UAP1: variants seen among roughly 807,000 people sequenced by gnomAD.
UAP1 encodes the protein UDP-N-acetylglucosamine pyrophosphorylase 1.
In UAP1, 25 loss-of-function variants were observed where a neutral mutation model predicts 58.5. That is an observed-to-expected ratio of 0.43 (90% CI 0.31 to 0.60). The LOEUF (loss-of-function observed/expected upper bound fraction) is 0.60. Among genes scored for constraint, UAP1 ranks in the 20% least tolerant of loss-of-function variants. The probability of loss-of-function intolerance (pLI) is 0.11; values close to 1 mark genes in which losing one functional copy is unlikely to be tolerated. For missense variants in UAP1, 575 were observed against 630.0 expected (o/e 0.91, Z 0.93); for synonymous variants, 208 against 213.0 (o/e 0.98, Z 0.21).
At position 162,588,848 on chromosome 1, in the gene UAP1, G is replaced by A. The variant is rs533517394; in HGVS notation, c.1169+15G>A. 3.7e-6 allele frequency: 6 copies of A among 1,601,190 alleles called. No homozygotes were observed. In the South Asian group the frequency reaches 5.6e-5, roughly 15 times the overall value. The stretch of plus-strand genomic sequence containing the variant: ...CAGTTTGCAAAGTATGCTTTGAATA[G>A]TACCAATAAGGTTAAATAAATGTCT... On this transcript the variant is annotated intron_variant, in intron 7 of 10. Transcript: ENST00000271469.
intron 8 of UAP1, among the ~76,000 whole-genome samples, chr1:162,591,025 A>G (rs1308389327): frequency 1.3e-5 from 2 of 151,692 alleles, no homozygotes; most frequent in Admixed American, 1.3e-4. Context: ...CCGTGTTCAA[A>G]TCGATTCTCC....
In UAP1 at chr1:162,581,388, A is replaced by G. The variant is rs753571677; in HGVS notation, c.763A>G (p.Ile255Val). Residue 255 changes from isoleucine to valine, a missense_variant, in exon 5 of 11, where the codon ATA (isoleucine) becomes GTA (valine). Physicochemically the swap from Ile to Val is conservative, Grantham distance 29 (BLOSUM62 3). Coordinates refer to ENST00000271469, the Ensembl canonical transcript of UAP1. The stretch of plus-strand genomic sequence containing the variant: ...CATTCATGTCTATTGTGTTGACAAC[A>G]TATTAGTAAAAGTGGCAGACCCACG... The G allele has an allele frequency of 1.9e-6, 3 of 1,614,160 alleles. No individual in the cohort carries two copies. Among genetic ancestry groups the G allele is most frequent in the Non-Finnish European group, 2.5e-6 (3 of 1,179,998 alleles).
intron 5 of UAP1, among the ~76,000 whole-genome samples, chr1:162,582,406 C>A (rs769077346): frequency 6.6e-6 from 1 of 151,966 alleles, no homozygotes; most frequent in African/African-American, 2.4e-5. Flanking sequence ...GTACTGGAAC[C>A]AGAATAGAAT....
chr1:162,574,059 A>C (rs1244383586), intron 2 of UAP1, among the ~76,000 whole-genome samples: 1 of 151,424 alleles, frequency 6.6e-6, no homozygotes, highest in Non-Finnish European at 1.5e-5. Flanking sequence ...ACTGGCTCTA[A>C]ATTTATAATG....
At chr1:162,590,156 A>G (rs1655210099) in intron 7 of UAP1, among the ~76,000 whole-genome samples, 167 bp from the exon 8 acceptor site, 1 of 152,094 alleles carries the variant, frequency 6.6e-6, no homozygotes, top group East Asian at 1.9e-4. Context: ...TGCATTGAAA[A>G]AGAAAATTTC....
intron 5 of UAP1, among the ~76,000 whole-genome samples, chr1:162,582,038 G>A (rs1037842379): frequency 1.3e-5 from 2 of 152,140 alleles, no homozygotes; most frequent in Non-Finnish European, 1.5e-5. Context: ...CACGTTTTTA[G>A]TTGTATAGGT....
chr1:162,590,419 G>C, exon 8 of UAP1: 3 of 1,613,494 alleles, frequency 1.9e-6, no homozygotes, highest in Non-Finnish European at 2.5e-6. Flanking sequence ...CTACTGCAAG[G>C]CATGCTTTGA....
Position 162,592,719 on chromosome 1 carries a change from T to C in UAP1, c.1359-13T>C. 1 of 1,543,686 alleles carries C rather than the reference T, an allele frequency of 6.5e-7. No individual in the cohort carries two copies. Among genetic ancestry groups the C allele is most frequent in the Non-Finnish European group, 8.8e-7 (1 of 1,140,578 alleles). On this transcript the variant is annotated splice_polypyrimidine_tract_variant and intron_variant, in intron 8 of 10. Coordinates refer to ENST00000271469, the Ensembl canonical transcript of UAP1. ...GCTTCCATTCCCATTAATCCTTATTTATTCCCACATAGCAGTGCTACAAAT... is the reference window on the plus strand; with the variant it reads ...GCTTCCATTCCCATTAATCCTTATTCATTCCCACATAGCAGTGCTACAAAT...
At chr1:162,584,383 A>G (rs1448742929) in intron 5 of UAP1, among the ~76,000 whole-genome samples, 1 of 152,276 alleles carries the variant, frequency 6.6e-6, no homozygotes, top group Non-Finnish European at 1.5e-5. Flanking sequence ...CCCTTTTAAA[A>G]TAAGAAAATC....
chr1:162,589,180 A>C (rs1490313105), intron 7 of UAP1, among the ~76,000 whole-genome samples: 1 of 91,288 alleles, frequency 1.1e-5, no homozygotes, highest in Non-Finnish European at 2.1e-5. Context: ...TAAATATTAT[A>C]TATAATATAT....
At chr1:162,573,684 G>T (rs148043631) in intron 2 of UAP1, among the ~76,000 whole-genome samples, 3 of 152,144 alleles carry the variant, frequency 2.0e-5, no homozygotes, top group East Asian at 3.9e-4. Flanking sequence ...GCAGGAATAG[G>T]CTGGGCAGGG....
intron 1 of UAP1, among the ~76,000 whole-genome samples, chr1:162,564,913 G>A (rs1653394356): frequency 6.6e-6 from 1 of 152,000 alleles, no homozygotes; most frequent in Non-Finnish European, 1.5e-5. Context: ...ATTTCCTGTT[G>A]CTGAGGCTGG....
At chr1:162,577,440 T>C (rs1312468043) in intron 3 of UAP1, among the ~76,000 whole-genome samples, 1 of 115,724 alleles carries the variant, frequency 8.6e-6, no homozygotes, top group African/African-American at 3.7e-5. Flanking sequence ...CTTCCCTTTT[T>C]TTTTTTTTTT....
intron 6 of UAP1, 163 bp downstream of exon 6, chr1:162,587,831 G>C: frequency 1.4e-6 from 1 of 711,412 alleles, no homozygotes; most frequent in Non-Finnish European, 2.2e-6. Flanking sequence ...ATTGTTTTTA[G>C]TAAGATGTAT....
At chr1:162,565,920 C>A in intron 1 of UAP1, 92 bp from the exon 2 acceptor site, 1 of 781,622 alleles carries the variant, frequency 1.3e-6, no homozygotes, top group East Asian at 2.7e-5. Flanking sequence ...TTTTTAACAT[C>A]GTTTTGAAAT....
chr1:162,566,162 G>A (rs1571050496), exon 2 of UAP1: 2 of 1,614,042 alleles, frequency 1.2e-6, no homozygotes, highest in Non-Finnish European at 1.7e-6. Flanking sequence ...CCAACAGGTA[G>A]AACTTTATGC....
intron 7 of UAP1, among the ~76,000 whole-genome samples, chr1:162,589,193 T>A (rs1655130767): frequency 1.4e-5 from 1 of 69,146 alleles, no homozygotes; most frequent in Non-Finnish European, 2.9e-5. Flanking sequence ...TAATATATAT[T>A]ATATATTATA....
chr1:162,599,330 T>C (rs774366595), exon 11 of UAP1: 2 of 1,612,214 alleles, frequency 1.2e-6, no homozygotes, highest in Non-Finnish European at 8.5e-7. Flanking sequence ...TCGATGAGAA[T>C]GGAGTTCATG....
chr1:162,566,073 A>G lies in UAP1; in HGVS notation c.5A>G (p.Asn2Ser), dbSNP rs765145555. ...AAGCTTGGCTATTAGAGCATTATGA[A>G]CATTAATGACCTCAAACTCACGTTG... Residue 2 changes from asparagine (N) to serine (S), a missense_variant, in exon 2 of 11, where the codon AAC (asparagine) becomes AGC (serine). Transcript: ENST00000271469. 1.9e-6 allele frequency: 3 copies of G among 1,611,336 alleles called. No individual in the cohort carries two copies. In the East Asian group the frequency reaches 6.7e-5, roughly 36 times the overall value.
Sources: gnomAD v4.1 joint callset for allele counts (sites outside exome capture counted in the v4.1 genomes callset) on GRCh38, gnomAD v4.1.1 for gene constraint, MANE v1.5 for transcripts, NCBI Gene and HGNC (gene_info 2026-07-23, HGNC 2026-07-21) for gene names.